The following RFX2 variants were observed in gnomAD, a reference collection of about 807,000 sequenced individuals.
RFX2 encodes the protein DNA-binding protein RFX2.
Under a neutral mutation model 87.8 loss-of-function variants are expected in RFX2, and 20 were observed. The observed-to-expected ratio is 0.23, with a 90% confidence interval of 0.16 to 0.33. RFX2 has a LOEUF of 0.33. Ranked by LOEUF, RFX2 falls within the 10% of genes least tolerant of loss-of-function variation. The pLI is 1.00. For missense variants in RFX2, 767 were observed against 1,012.3 expected (o/e 0.76, Z 3.29); for synonymous variants, 397 against 431.3 (o/e 0.92, Z 0.98).
In RFX2 at chr19:6,101,642, G is replaced by A. The variant is rs771348987; in HGVS notation, c.-9+8751C>T. Reference sequence around the variant, plus strand: ...TGGTATAATTTCAACAGTTTTCCAGGAGACAGGCGTTCATGAGTCAAGCCT... The same window carrying A: ...TGGTATAATTTCAACAGTTTTCCAGAAGACAGGCGTTCATGAGTCAAGCCT... On this transcript the variant is annotated intron_variant, in intron 1 of 17. Transcript: ENST00000303657. The surrounding 1 kb of genome is among the most constrained non-coding windows in gnomAD (Gnocchi z 4.9). Among the ~76,000 whole-genome samples, 2 of 152,208 alleles carry A rather than the reference G, an allele frequency of 1.3e-5. No individual in the cohort carries two copies. Among genetic ancestry groups the A allele is most frequent in the East Asian group, 3.8e-4 (2 of 5,202 alleles).
chr19:6,047,410 C>A lies in RFX2; in HGVS notation c.87G>T (p.Pro29=). ...GTTGCTGAGAGGCGCGCGTTACCTGCGGGGAGGCTGGCACAGGCGGGGCTG... is the reference window on the plus strand; with the variant it reads ...GTTGCTGAGAGGCGCGCGTTACCTGAGGGGAGGCTGGCACAGGCGGGGCTG... ...SAAAPPVPAS[P]QRVLVQAASS... is the part of the protein sequence containing the mutation. The change falls in exon 2 of 18, where the codon CCG becomes CCT. Residue 29 remains proline (P), a synonymous_variant. Transcript: ENST00000303657. The surrounding 1 kb of genome is among the most constrained non-coding windows in gnomAD (Gnocchi z 4.2). 1 of 1,605,584 alleles carries A rather than the reference C, an allele frequency of 6.2e-7. No individual in the cohort carries two copies. Among genetic ancestry groups the A allele is most frequent in the Non-Finnish European group, 8.5e-7 (1 of 1,176,326 alleles).
intron 1 of RFX2, among the ~76,000 whole-genome samples, chr19:6,070,324 T>C (rs530435965): frequency 1.4e-5 from 2 of 143,286 alleles, no homozygotes; most frequent in South Asian, 2.3e-4. Flanking sequence ...CATCCACCAG[T>C]ACAGGAGAGA....
chr19:6,026,227 G>A lies in RFX2; in HGVS notation c.533C>T (p.Ala178Val), dbSNP rs1389625080. 5.6e-6 allele frequency: 9 copies of A among 1,611,092 alleles called. No homozygotes were observed. The highest frequency in any genetic ancestry group is 1.7e-4 in the Middle Eastern group (1 of 6,056). The change falls in exon 6 of 18, where the codon GCG becomes GTG. Residue 178 changes from alanine to valine, a missense_variant. Around this residue, in one of 2 missense-constraint regions of RFX2, gnomAD observed 621 missense variants for 873.0 expected, o/e 0.71. Coordinates refer to ENST00000303657, the MANE Select transcript of RFX2 (RefSeq NM_000635.4). This position sits in a 1 kb window ranked among gnomAD's most constrained non-coding sequence, Gnocchi z 4.5. Reference sequence around the variant, plus strand: ...TTCGCTTTTTTGGAGGTTTTCAATCGCCATTTCAAGCTAAAGAAAATGTGT... The same window carrying A: ...TTCGCTTTTTTGGAGGTTTTCAATCACCATTTCAAGCTAAAGAAAATGTGT... ...SRSSPATLEM[A>V]IENLQKSEGI...
At position 6,017,591 on chromosome 19, in the gene RFX2, G is replaced by A. The variant is rs1056396908; in HGVS notation, c.598-1320C>T. On this transcript the variant is annotated intron_variant, in intron 6 of 17. Coordinates refer to ENST00000303657, the MANE Select transcript of RFX2 (RefSeq NM_000635.4). This position sits in a 1 kb window ranked among gnomAD's most constrained non-coding sequence, Gnocchi z 4.1. ...CGAGTCCAGATCCCATGTCAAGAGC[G>A]TCGGGGGAAACCAGCTGTCTCTACC... Among the ~76,000 whole-genome samples the A allele has an allele frequency of 2.0e-5, 3 of 152,214 alleles. No individual in the cohort carries two copies. The highest frequency in any genetic ancestry group is 6.5e-5 in the Admixed American group (1 of 15,288).
chr19:6,100,595 GAGA>G (rs1213157294), intron 1 of RFX2, among the ~76,000 whole-genome samples: 1 of 152,132 alleles, frequency 6.6e-6, no homozygotes, highest in East Asian at 1.9e-4. Context: ...AGAATAAGAA[GAGA>G]AGTAGGCTCA....
chr19:6,105,805 T>C (rs1324533900), intron 1 of RFX2, among the ~76,000 whole-genome samples: 1 of 151,898 alleles, frequency 6.6e-6, no homozygotes, highest in Non-Finnish European at 1.5e-5. Context: ...AGGTTTGGCC[T>C]GAGTAATGGG....
Position 5,997,172 on chromosome 19 carries a change from C to A in RFX2, c.1901G>T (p.Ser634Ile). 1.2e-6 allele frequency: 2 copies of A among 1,613,226 alleles called. No individual in the cohort carries two copies. Among genetic ancestry groups the A allele is most frequent in the Non-Finnish European group, 8.5e-7 (1 of 1,179,982 alleles). The change falls in exon 16 of 18, where the codon AGC (serine) becomes ATC (isoleucine). Residue 634 changes from serine (S) to isoleucine (I), a missense_variant. Physicochemically the swap from Ser to Ile is moderately radical, Grantham distance 142 (BLOSUM62 -2). Around this residue, in one of 2 missense-constraint regions of RFX2, gnomAD observed 621 missense variants for 873.0 expected, o/e 0.71. Transcript: ENST00000303657. The surrounding 1 kb of genome is among the most constrained non-coding windows in gnomAD (Gnocchi z 4.2). ...GCGGATGAGGTGGAAGGAGCCGAAG[C>A]TGGCAGCGCTGCGCAGGGTCAGGTC... Reference protein sequence around the residue: ...IRDLTLRSAASFGSFHLIRLL... With the variant: ...IRDLTLRSAAIFGSFHLIRLL...
chr19:6,003,080 G>A (rs1044316994), intron 13 of RFX2, among the ~76,000 whole-genome samples: 8 of 152,146 alleles, frequency 5.3e-5, no homozygotes, highest in African/African-American at 1.2e-4. Context: ...CATCACACAC[G>A]TCGCTAACTG....
Position 6,101,938 on chromosome 19 carries a change from T to C in RFX2, c.-9+8455A>G, listed in dbSNP as rs1424277439. On this transcript the variant is annotated intron_variant, in intron 1 of 17. Transcript: ENST00000303657. This position sits in a 1 kb window ranked among gnomAD's most constrained non-coding sequence, Gnocchi z 4.9. ...AACACAATGTGGCATATCCATGCAATGGAATATTCTTTAGCCTTAAAAAGG... is the reference window on the plus strand; with the variant it reads ...AACACAATGTGGCATATCCATGCAACGGAATATTCTTTAGCCTTAAAAAGG... Among the ~76,000 whole-genome samples the C allele has an allele frequency of 6.6e-6, 1 of 152,230 alleles. No individual in the cohort carries two copies. The highest frequency in any genetic ancestry group is 1.5e-5 in the Non-Finnish European group (1 of 68,040).
At position 6,012,622 on chromosome 19, in the gene RFX2, G is replaced by A. The variant is rs939809385; in HGVS notation, c.899+364C>T. The stretch of plus-strand genomic sequence containing the variant: ...GGTCACGGGTCATGAGCAATGCACC[G>A]CTGTGTGGGGGAGGTGAATGGTGGG... On this transcript the variant is annotated intron_variant, in intron 8 of 17. Coordinates refer to ENST00000303657, the MANE Select transcript of RFX2 (RefSeq NM_000635.4). This position sits in a 1 kb window ranked among gnomAD's most constrained non-coding sequence, Gnocchi z 4.6. Among the ~76,000 whole-genome samples the A allele has an allele frequency of 1.3e-5, 2 of 152,122 alleles. No homozygotes were observed. Among genetic ancestry groups the A allele is most frequent in the East Asian group, 1.9e-4 (1 of 5,198 alleles).
At chr19:6,109,839 G>C (rs1426134729) in intron 1 of RFX2, among the ~76,000 whole-genome samples, 1 of 151,806 alleles carries the variant, frequency 6.6e-6, no homozygotes, top group Non-Finnish European at 1.5e-5. Context: ...GAGAATTCGA[G>C]GGTTTGAGTA....
chr19:6,072,757 G>T (rs1171571553), intron 1 of RFX2: 4 of 587,324 alleles, frequency 6.8e-6, no homozygotes, highest in Non-Finnish European at 1.2e-5. Context: ...AGAAAAAAGA[G>T]AAAAAAAAGG....
In RFX2 at chr19:6,026,269, AC is replaced by A; in HGVS notation, c.523-33del. Reference sequence around the variant, plus strand: ...AAAATGTGTGCAGAAACAAAACAAAACAAAATGGAAAAAAAAAAAAAGGAAA... The same window carrying A: ...AAAATGTGTGCAGAAACAAAACAAAAAAAATGGAAAAAAAAAAAAAGGAAA... On this transcript the variant is annotated intron_variant, in intron 5 of 17. Coordinates refer to ENST00000303657, the MANE Select transcript of RFX2 (RefSeq NM_000635.4). This position sits in a 1 kb window ranked among gnomAD's most constrained non-coding sequence, Gnocchi z 4.5. 1.3e-6 allele frequency: 2 copies of A among 1,573,388 alleles called. No homozygotes were observed. The highest frequency in any genetic ancestry group is 1.7e-6 in the Non-Finnish European group (2 of 1,152,726).
Position 6,010,184 on chromosome 19 carries a change from G to C in RFX2, c.967C>G (p.Pro323Ala). Reference protein sequence around the residue: ...SGSHSGLHSTPEQTMAVQSQH... With the variant: ...SGSHSGLHSTAEQTMAVQSQH... ...CTCTGCACGGCCATGGTCTGTTCCG[G>C]AGTGCTGTGCAGGCCGCTGTGGGAG... Residue 323 changes from proline to alanine, a missense_variant, in exon 9 of 18, where the codon CCG becomes GCG. Transcript: ENST00000303657. This position sits in a 1 kb window ranked among gnomAD's most constrained non-coding sequence, Gnocchi z 5.0. The C allele has an allele frequency of 6.5e-7, 1 of 1,548,916 alleles. No individual in the cohort carries two copies. Among genetic ancestry groups the C allele is most frequent in the Non-Finnish European group, 8.7e-7 (1 of 1,146,974 alleles).
At chr19:6,029,138 CA>C (rs1404147613) in intron 5 of RFX2, among the ~76,000 whole-genome samples, 2 of 150,236 alleles carry the variant, frequency 1.3e-5, no homozygotes, top group Non-Finnish European at 3.0e-5. Context: ...AACAAACGAT[CA>C]ACAACACCTA....
chr19:6,058,034 G>A (rs1266822832), intron 1 of RFX2, among the ~76,000 whole-genome samples: 1 of 152,216 alleles, frequency 6.6e-6, no homozygotes, highest in Non-Finnish European at 1.5e-5. Context: ...GTGGAACCAT[G>A]TCCTTTCTGG....
chr19:6,065,490 CA>C (rs1187619021), intron 1 of RFX2, among the ~76,000 whole-genome samples: 2 of 151,978 alleles, frequency 1.3e-5, no homozygotes, highest in Admixed American at 6.6e-5. Flanking sequence ...ACTACAAATA[CA>C]AAAAAATTAG....
Position 5,994,496 on chromosome 19 carries a change from C to A in RFX2, c.*339G>T, listed in dbSNP as rs2086376169. 3.6e-6 allele frequency: 1 copy of A among 280,750 alleles called. No homozygotes were observed. Among genetic ancestry groups the A allele is most frequent in the African/African-American group, 2.1e-5 (1 of 46,932 alleles). The allele number at this position is 280,750 out of a possible 1,614,324, so 17.4% of individuals were successfully genotyped here. A position where few individuals can be genotyped will look rare whatever the true frequency, so the allele number is the denominator to read the frequency against. The stretch of plus-strand genomic sequence containing the variant: ...GCAGAGGCCAGTGCTCTCAGCACAG[C>A]CCTTTCAGCTCTTAAAGGGACTGGG... On this transcript the variant is annotated 3_prime_UTR_variant, in exon 18 of 18. Transcript: ENST00000303657.
At chr19:6,055,151 A>G (rs2087317860) in intron 1 of RFX2, among the ~76,000 whole-genome samples, 1 of 152,228 alleles carries the variant, frequency 6.6e-6, no homozygotes, top group African/African-American at 2.4e-5. Flanking sequence ...CTATATCAAG[A>G]TATCACTAAA....
Sources: allele counts gnomAD v4.1 joint callset (sites outside exome capture counted in the v4.1 genomes callset), GRCh38; gene constraint gnomAD v4.1.1; regional missense constraint gnomAD v4.1.1; non-coding constraint Gnocchi (gnomAD v3.1); transcripts MANE v1.5; gene names NCBI Gene and HGNC (gene_info 2026-07-23, HGNC 2026-07-21).